Variants in ATXN7L1 observed in about 807,000 individuals in gnomAD.
ATXN7L1 encodes ataxin 7 like 1.
In ATXN7L1, 15 loss-of-function variants were observed where a neutral mutation model predicts 70.8. The ratio of observed to expected loss-of-function variants is 0.21; its 90% confidence interval spans 0.14 to 0.33. The LOEUF (loss-of-function observed/expected upper bound fraction) is 0.33, where lower values mean the gene tolerates loss of function less well. Ranked by LOEUF, ATXN7L1 falls within the 10% of genes least tolerant of loss-of-function variation. ATXN7L1 has a pLI of 1.00. For synonymous variants in ATXN7L1, 440 were observed against 445.1 expected (o/e 0.99, Z 0.14); for missense variants, 975 against 1,097.1 (o/e 0.89, Z 1.57).
intron 3 of ATXN7L1, among the ~76,000 whole-genome samples, chr7:105,666,058 G>A (rs2116073398): frequency 6.6e-6 from 1 of 152,316 alleles, no homozygotes; most frequent in South Asian, 2.1e-4. Context: ...GGCAGGATGA[G>A]GATACTGACC....
In ATXN7L1 at chr7:105,628,741, C is replaced by T. The variant is rs368789586; in HGVS notation, c.1203-4474G>A. 3.8e-4 allele frequency among the ~76,000 whole-genome samples: 57 copies of T among 151,648 alleles called. 2 individuals carry two copies. Among genetic ancestry groups the T allele is most frequent in the Admixed American group, 1.4e-3 (22 of 15,206 alleles). On this transcript the variant is annotated intron_variant, in intron 7 of 11. Coordinates refer to ENST00000419735, the MANE Select transcript of ATXN7L1 (RefSeq NM_020725.2). ...CCGGGAGGCAGAGTTTGCAGTGAGC[C>T]GAGATCGCGCCACTGTACTCCAGCC...
chr7:105,759,157 C>G (rs1471050246), intron 3 of ATXN7L1, among the ~76,000 whole-genome samples: 1 of 95,492 alleles, frequency 1.0e-5, no homozygotes, highest in Admixed American at 1.4e-4. Flanking sequence ...TTAGTTTATT[C>G]TTACTTTTTT....
At chr7:105,683,784 G>A (rs955680323) in intron 3 of ATXN7L1, among the ~76,000 whole-genome samples, 1 of 152,042 alleles carries the variant, frequency 6.6e-6, no homozygotes, top group African/African-American at 2.4e-5. Flanking sequence ...GGCTCCACTA[G>A]CTATTTACAA....
chr7:105,701,833 T>A (rs1792496574), intron 3 of ATXN7L1, among the ~76,000 whole-genome samples: 1 of 152,196 alleles, frequency 6.6e-6, no homozygotes, highest in East Asian at 1.9e-4. Flanking sequence ...GCCTCCTGAA[T>A]AGCTGGGAAT....
chr7:105,638,128 GTGATGATAA>G (rs1353024050), intron 7 of ATXN7L1, among the ~76,000 whole-genome samples: 1 of 152,216 alleles, frequency 6.6e-6, no homozygotes, highest in Non-Finnish European at 1.5e-5. Context: ...GATGATGACA[GTGATGATAA>G]TAATGATGAC....
intron 2 of ATXN7L1, among the ~76,000 whole-genome samples, chr7:105,867,607 T>G (rs1817671929): frequency 6.6e-6 from 1 of 152,208 alleles, no homozygotes; most frequent in South Asian, 2.1e-4. Context: ...TCTCTTTAGA[T>G]CCTCCCAAAT....
At chr7:105,696,133 T>C (rs1791672668) in intron 3 of ATXN7L1, among the ~76,000 whole-genome samples, 1 of 152,114 alleles carries the variant, frequency 6.6e-6, no homozygotes, top group Non-Finnish European at 1.5e-5. Flanking sequence ...CACCCGAAGG[T>C]CAGGGAAGTT....
At chr7:105,867,739 T>C (rs1408095914) in intron 2 of ATXN7L1, among the ~76,000 whole-genome samples, 1 of 152,262 alleles carries the variant, frequency 6.6e-6, no homozygotes, top group Non-Finnish European at 1.5e-5. Context: ...TTCTGTATCT[T>C]AGTCTATTTT....
chr7:105,824,541 G>A (rs1313391901), intron 2 of ATXN7L1, among the ~76,000 whole-genome samples: 1 of 151,820 alleles, frequency 6.6e-6, no homozygotes, highest in Non-Finnish European at 1.5e-5. Context: ...AATATGATAG[G>A]TGACATAAAA....
At chr7:105,750,053 T>G (rs1358802860) in intron 3 of ATXN7L1, among the ~76,000 whole-genome samples, 3 of 151,872 alleles carry the variant, frequency 2.0e-5, no homozygotes, top group African/African-American at 7.2e-5. Context: ...ATGGGAGAAC[T>G]TGGGATTGAC....
At chr7:105,642,555 C>T (rs1376221385) in intron 5 of ATXN7L1, among the ~76,000 whole-genome samples, 4 of 152,248 alleles carry the variant, frequency 2.6e-5, no homozygotes, top group Non-Finnish European at 5.9e-5. Context: ...ACAAGACCCT[C>T]GGAATCTACA....
intron 2 of ATXN7L1, among the ~76,000 whole-genome samples, chr7:105,857,933 G>A (rs1309867554): frequency 6.7e-6 from 1 of 148,492 alleles, no homozygotes; most frequent in African/African-American, 2.5e-5. Context: ...GCTACAGGGG[G>A]AAAAAAAAAA....
At chr7:105,798,467 G>A (rs1806318263) in intron 2 of ATXN7L1, among the ~76,000 whole-genome samples, 1 of 152,188 alleles carries the variant, frequency 6.6e-6, no homozygotes. Context: ...CATGCAGGGG[G>A]CTAACTGAGG....
chr7:105,715,574 G>A (rs537964822), intron 3 of ATXN7L1, among the ~76,000 whole-genome samples: 20 of 152,364 alleles, frequency 1.3e-4, no homozygotes, highest in Non-Finnish European at 1.0e-4. Context: ...TCTAAACAAT[G>A]CCTAAAGGCA....
At chr7:105,791,651 A>C (rs1805257781) in intron 2 of ATXN7L1, among the ~76,000 whole-genome samples, 1 of 152,196 alleles carries the variant, frequency 6.6e-6, no homozygotes, top group Non-Finnish European at 1.5e-5. Context: ...ACCTAGAAGA[A>C]ATTAAAGAAA....
rs549545980 is a variant in ATXN7L1 at position 105,729,301 on chromosome 7, G to GAATGAATAAATA, written c.355+59302_355+59303insTATTTATTCATT. Among the ~76,000 whole-genome samples the GAATGAATAAATA allele has an allele frequency of 4.1e-3, 609 of 147,738 alleles. 14 individuals are homozygous for GAATGAATAAATA. Among genetic ancestry groups the GAATGAATAAATA allele is most frequent in the Admixed American group, 0.038 (550 of 14,502 alleles). ...TAAATGAATGAATGAATGAATGAAT[G>GAATGAATAAATA]AATAAATAAATAAATAAATAAATAA... On this transcript the variant is annotated intron_variant, in intron 3 of 11. Coordinates refer to ENST00000419735, the MANE Select transcript of ATXN7L1 (RefSeq NM_020725.2).
intron 5 of ATXN7L1, among the ~76,000 whole-genome samples, chr7:105,639,805 C>A (rs928179717): frequency 1.3e-5 from 2 of 152,218 alleles, no homozygotes; most frequent in Non-Finnish European, 2.9e-5. Context: ...CTAGCTTCGG[C>A]AGCACCGCCG....
intron 3 of ATXN7L1, among the ~76,000 whole-genome samples, chr7:105,743,202 C>T (rs994947802): frequency 3.3e-5 from 5 of 151,842 alleles, no homozygotes; most frequent in Middle Eastern, 3.2e-3. Context: ...ACAGGGGATC[C>T]ACACGGAGGC....
chr7:105,611,272 A>G (rs925921110), intron 10 of ATXN7L1, among the ~76,000 whole-genome samples: 3 of 152,198 alleles, frequency 2.0e-5, no homozygotes, highest in Non-Finnish European at 4.4e-5. Flanking sequence ...CCAGGCACTA[A>G]CCAGTCCCTG....
Sources: gnomAD v4.1 joint callset for allele counts (sites outside exome capture counted in the v4.1 genomes callset) on GRCh38, gnomAD v4.1.1 for gene constraint, MANE v1.5 for transcripts, NCBI Gene and HGNC (gene_info 2026-07-23, HGNC 2026-07-21) for gene names.